Variants in DENND5B observed in about 807,000 individuals in gnomAD.
DENND5B encodes DENN domain-containing protein 5B.
Under a neutral mutation model 140.6 loss-of-function variants are expected in DENND5B, and 34 were observed. The observed-to-expected ratio is 0.24, with a 90% confidence interval of 0.18 to 0.32. DENND5B has a LOEUF of 0.32. Ranked by LOEUF, DENND5B falls within the 10% of genes least tolerant of loss-of-function variation. The pLI is 1.00. For missense variants in DENND5B, 1,142 were observed against 1,560.2 expected (o/e 0.73, Z 4.52); for synonymous variants, 551 against 562.1 (o/e 0.98, Z 0.28).
At chr12:31,479,296 C>T (rs757559917) in intron 3 of DENND5B, among the ~76,000 whole-genome samples, 6 of 152,080 alleles carry the variant, frequency 3.9e-5, no homozygotes, top group African/African-American at 7.2e-5. Flanking sequence ...TTCTTAATGA[C>T]GATTATATAT....
intron 14 of DENND5B, among the ~76,000 whole-genome samples, chr12:31,406,441 G>C (rs758105169): frequency 6.6e-6 from 1 of 152,114 alleles, no homozygotes; most frequent in Non-Finnish European, 1.5e-5. Context: ...TTGGCTTTAG[G>C]ATAGGAAAAT....
intron 4 of DENND5B, among the ~76,000 whole-genome samples, chr12:31,456,666 G>A (rs541801880): frequency 1.2e-4 from 18 of 152,306 alleles, no homozygotes; most frequent in South Asian, 6.2e-4. Flanking sequence ...ACTGTAGGCC[G>A]GAGCAGGAAG....
At chr12:31,526,457 A>G (rs974537514) in intron 1 of DENND5B, among the ~76,000 whole-genome samples, 2 of 152,230 alleles carry the variant, frequency 1.3e-5, no homozygotes, top group Non-Finnish European at 1.5e-5. Context: ...CCCTGTAGCT[A>G]TATATTCTAG....
rs1940719803 is a variant in DENND5B, at chr12:31,383,486, T to C, written c.*4117A>G. 1 of 152,216 alleles carries C rather than the reference T, an allele frequency of 6.6e-6. No individual in the cohort carries two copies. The highest frequency in any genetic ancestry group is 1.5e-5 in the Non-Finnish European group (1 of 68,034). The allele number at this position is 152,216 out of a possible 1,614,324, so 9.4% of individuals were successfully genotyped here. ...TGTGATAGAAGTTCATTAAAATAAT[T>C]TTTTAAAAAGCCATGTGAAAGTAAA... is the stretch of plus-strand genomic sequence containing the variant. On this transcript the variant is annotated 3_prime_UTR_variant, in exon 21 of 21. Transcript: ENST00000389082.
At chr12:31,578,620 C>T (rs761739724) in intron 1 of DENND5B, among the ~76,000 whole-genome samples, 1 of 152,136 alleles carries the variant, frequency 6.6e-6, no homozygotes, top group Admixed American at 6.6e-5. Context: ...GAGGGAAGAC[C>T]TTGAATCCAT....
At chr12:31,518,217 C>G (rs568126147) in intron 1 of DENND5B, among the ~76,000 whole-genome samples, 1 of 152,146 alleles carries the variant, frequency 6.6e-6, no homozygotes, top group Non-Finnish European at 1.5e-5. Flanking sequence ...AAACTTGATT[C>G]AAATATTTTA....
intron 7 of DENND5B, among the ~76,000 whole-genome samples, chr12:31,438,339 C>T (rs1191401215): frequency 6.6e-6 from 1 of 152,142 alleles, no homozygotes; most frequent in African/African-American, 2.4e-5. Flanking sequence ...TCAGCTCTTA[C>T]CTATCATCCT....
At chr12:31,538,738 G>A (rs1324440879) in intron 1 of DENND5B, among the ~76,000 whole-genome samples, 1 of 151,990 alleles carries the variant, frequency 6.6e-6, no homozygotes, top group Non-Finnish European at 1.5e-5. Flanking sequence ...GCATGGTGGT[G>A]TGCACCTGTA....
intron 3 of DENND5B, among the ~76,000 whole-genome samples, chr12:31,478,485 A>G (rs1457537795): frequency 6.6e-6 from 1 of 152,162 alleles, no homozygotes; most frequent in Non-Finnish European, 1.5e-5. Context: ...CAGGAGGATC[A>G]TTTGAGCCTA....
chr12:31,445,685 A>AAG, intron 6 of DENND5B, among the ~76,000 whole-genome samples: 1 of 141,902 alleles, frequency 7.0e-6, no homozygotes, highest in Non-Finnish European at 1.5e-5. Context: ...AGCCTGAGTG[A>AAG]CAGCGAGATT....
intron 19 of DENND5B, 26 bp downstream of exon 19, chr12:31,392,241 A>C: frequency 6.2e-7 from 1 of 1,613,174 alleles, no homozygotes; most frequent in Non-Finnish European, 8.5e-7. Context: ...AGTGACCTTA[A>C]TGTAATACAC....
intron 17 of DENND5B, among the ~76,000 whole-genome samples, chr12:31,397,047 T>C (rs34642866): frequency 0.13 from 20,195 of 152,216 alleles, 1,602 homozygotes; most frequent in Non-Finnish European, 0.18. Flanking sequence ...TTGGGAGACA[T>C]TATTTAGTCT....
At chr12:31,460,752 G>A (rs938157166) in intron 3 of DENND5B, among the ~76,000 whole-genome samples, 1 of 152,180 alleles carries the variant, frequency 6.6e-6, no homozygotes, top group Non-Finnish European at 1.5e-5. Flanking sequence ...TTGAGATGGA[G>A]TCTCGCTTTG....
chr12:31,576,351 G>A (rs1950016594), intron 1 of DENND5B, among the ~76,000 whole-genome samples: 2 of 151,736 alleles, frequency 1.3e-5, no homozygotes, highest in African/African-American at 4.8e-5. Context: ...TAATCGGGAG[G>A]CTGAGGCATC....
chr12:31,481,294 A>G (rs1439738339), intron 2 of DENND5B, among the ~76,000 whole-genome samples: 2 of 152,164 alleles, frequency 1.3e-5, no homozygotes, highest in Non-Finnish European at 2.9e-5. Flanking sequence ...CTTCATTCAA[A>G]CCGTCAAAAA....
chr12:31,493,738 G>A (rs1480374921), intron 2 of DENND5B, among the ~76,000 whole-genome samples: 1 of 152,184 alleles, frequency 6.6e-6, no homozygotes, highest in African/African-American at 2.4e-5. Flanking sequence ...GGCTGAGGCA[G>A]GAGGATTGCC....
Position 31,433,137 on chromosome 12 carries a change from G to A in DENND5B, c.2106+18C>T, listed in dbSNP as rs373581432. 1.1e-4 allele frequency: 183 copies of A among 1,612,176 alleles called. 1 individual carries two copies. Among genetic ancestry groups the A allele is most frequent in the Middle Eastern group, 1.6e-4 (1 of 6,080 alleles). On this transcript the variant is annotated intron_variant, in intron 8 of 20. Coordinates refer to ENST00000389082, the MANE Select transcript of DENND5B (RefSeq NM_144973.4). ...ATGGCGCTTGCTGTGAGGCACCCCAGGAAGGTAGACCACATACCTCCCTCA... is the reference window on the plus strand; with the variant it reads ...ATGGCGCTTGCTGTGAGGCACCCCAAGAAGGTAGACCACATACCTCCCTCA...
chr12:31,494,181 T>TATCTATCTATCTATCC lies in DENND5B; in HGVS notation c.237+1628_237+1629insGGATAGATAGATAGAT, dbSNP rs1268264034. Among the ~76,000 whole-genome samples the TATCTATCTATCTATCC allele has an allele frequency of 1.8e-3, 153 of 85,770 alleles. 1 individual carries two copies. The highest frequency in any genetic ancestry group is 6.8e-3 in the Middle Eastern group (1 of 148). 56.3% of individuals were successfully genotyped at this position (85,770 alleles called of 152,430 possible). On this transcript the variant is annotated intron_variant, in intron 2 of 20. Coordinates refer to ENST00000389082, the MANE Select transcript of DENND5B (RefSeq NM_144973.4). ...CTATCTATCTATCTATCTATCTATC[T>TATCTATCTATCTATCC]ATCCATCCATCCATCCATCCACCTA... is the stretch of plus-strand genomic sequence containing the variant.
intron 1 of DENND5B, among the ~76,000 whole-genome samples, chr12:31,568,658 A>C (rs2061761): frequency 6.6e-6 from 1 of 152,100 alleles, no homozygotes; most frequent in Non-Finnish European, 1.5e-5. Flanking sequence ...GGAAGCCACC[A>C]GAAGAGAAGT....
Sources: gnomAD v4.1 joint callset for allele counts (sites outside exome capture counted in the v4.1 genomes callset) on GRCh38, gnomAD v4.1.1 for gene constraint, MANE v1.5 for transcripts, NCBI Gene and HGNC (gene_info 2026-07-23, HGNC 2026-07-21) for gene names.